Variants in SLC6A18 observed in about 807,000 individuals in gnomAD.
The protein encoded by SLC6A18 is solute carrier family 6 member 18, also known as inactive sodium-dependent neutral amino acid transporter B(0)AT3.
A neutral mutation model predicts 62.9 loss-of-function variants in SLC6A18; 58 were observed. That is an observed-to-expected ratio of 0.92 (90% confidence interval 0.75 to 1.15). The LOEUF (loss-of-function observed/expected upper bound fraction) is 1.15. SLC6A18 is among the 50% of genes most tolerant of loss of function. SLC6A18 has a pLI of 0.00. For synonymous variants in SLC6A18, 382 were observed against 365.8 expected (o/e 1.04, Z -0.51); for missense variants, 793 against 836.6 (o/e 0.95, Z 0.64).
intron 5 of SLC6A18, among the ~76,000 whole-genome samples, chr5:1,238,891 G>A (rs1461232243): frequency 6.6e-6 from 1 of 152,222 alleles, no homozygotes; most frequent in African/African-American, 2.4e-5. Context: ...CCAGGAGCCT[G>A]CACGGCTTCT....
At position 1,232,430 on chromosome 5, in the gene SLC6A18, C is replaced by T. The variant is rs1387026875; in HGVS notation, c.301+71C>T. On this transcript the variant is annotated intron_variant, in intron 2 of 11. Transcript: ENST00000324642. ...GGGCCCTCCTGGATGAGAGGTGGGGCGGGGGCGGGTCCATGCCTGTGGTAC... is the reference window on the plus strand; with the variant it reads ...GGGCCCTCCTGGATGAGAGGTGGGGTGGGGGCGGGTCCATGCCTGTGGTAC... 6.2e-6 allele frequency: 9 copies of T among 1,449,396 alleles called. No individual in the cohort carries two copies. The East Asian group carries it at 7.5e-5, about 12-fold the overall frequency. The allele number at this position is 1,449,396 out of a possible 1,614,324, so 89.8% of individuals were successfully genotyped here.
intron 4 of SLC6A18, among the ~76,000 whole-genome samples, chr5:1,236,243 A>G (rs1463259468): frequency 6.6e-6 from 1 of 152,020 alleles, no homozygotes; most frequent in Non-Finnish European, 1.5e-5. Flanking sequence ...ACTGCTTTAG[A>G]GGTTACAGTC....
At chr5:1,231,799 T>G (rs1746736273) in intron 1 of SLC6A18, among the ~76,000 whole-genome samples, 1 of 152,152 alleles carries the variant, frequency 6.6e-6, no homozygotes. Flanking sequence ...AGGTTTTCAG[T>G]GTGATTCCGC....
chr5:1,232,856 G>A lies in SLC6A18; in HGVS notation c.407G>A (p.Trp136Ter). ...LLNSFQHPLPWSSCPPDLNRT... is the reference protein window; with the variant it reads ...LLNSFQHPLP ...AACTCCTTCCAGCACCCGCTGCCCT[G>A]GAGCTCCTGCCCACCGGACCTCAAC... Residue 136 changes from tryptophan to a stop codon, truncating the protein, a stop_gained, in exon 3 of 12, where the codon TGG (tryptophan) becomes TAG (stop). Coordinates refer to ENST00000324642, the MANE Select transcript of SLC6A18 (RefSeq NM_182632.3). LOFTEE classifies it high-confidence loss of function. 1 of 1,613,066 alleles carries A rather than the reference G, an allele frequency of 6.2e-7. No homozygotes were observed. Among genetic ancestry groups the A allele is most frequent in the South Asian group, 1.1e-5 (1 of 91,038 alleles).
rs202179592 is a variant in SLC6A18 at position 1,232,323 on chromosome 5, G to C, written c.265G>C (p.Val89Leu). Residue 89 changes from valine to leucine, a missense_variant, in exon 2 of 12, where the codon GTG (valine) becomes CTG (leucine). Transcript: ENST00000324642. ...GQRLRKGSVG[V>L]WTAISPYLSG... is the part of the protein sequence containing the mutation. ...GCGGCTGCGGAAGGGCAGCGTCGGC[G>C]TGTGGACGGCCATCTCCCCGTACCT... 6.2e-7 allele frequency: 1 copy of C among 1,611,934 alleles called. No individual in the cohort carries two copies. The highest frequency in any genetic ancestry group is 1.1e-5 in the South Asian group (1 of 90,678).
intron 11 of SLC6A18, among the ~76,000 whole-genome samples, chr5:1,245,227 C>T (rs931018326): frequency 6.6e-6 from 1 of 152,208 alleles, no homozygotes; most frequent in East Asian, 1.9e-4. Flanking sequence ...GGCTGGAGGC[C>T]GTTTCCACAC....
At chr5:1,235,407 A>T in intron 3 of SLC6A18, 74 bp from the exon 4 acceptor site, 1 of 1,474,258 alleles carries the variant, frequency 6.8e-7, no homozygotes, top group Non-Finnish European at 9.3e-7. Context: ...AGCCCAGGGA[A>T]ATTGAGCTCA....
intron 11 of SLC6A18, 96 bp from the exon 12 acceptor site, chr5:1,245,751 TG>T: frequency 7.8e-7 from 1 of 1,281,826 alleles, no homozygotes; most frequent in Non-Finnish European, 1.1e-6. Flanking sequence ...CAAGTCCGGG[TG>T]GGCAGGTGGC....
rs780302283 is a variant in SLC6A18 at position 1,241,427 on chromosome 5, G to A, written c.974+768G>A. On this transcript the variant is annotated intron_variant, in intron 7 of 11. Transcript: ENST00000324642. This position sits in a 1 kb window ranked among gnomAD's most constrained non-coding sequence, Gnocchi z 7.8. ...GCCTGGCATCCAGTGGGTGGAGGCCGAGGATACCTCGCAGCACCCTACAGT... is the reference window on the plus strand; with the variant it reads ...GCCTGGCATCCAGTGGGTGGAGGCCAAGGATACCTCGCAGCACCCTACAGT... 1.3e-5 allele frequency among the ~76,000 whole-genome samples: 2 copies of A among 152,198 alleles called. No homozygotes were observed. The highest frequency in any genetic ancestry group is 2.4e-5 in the African/African-American group (1 of 41,452).
intron 1 of SLC6A18, among the ~76,000 whole-genome samples, chr5:1,226,930 AT>A (rs1230450581): frequency 6.6e-6 from 1 of 151,796 alleles, no homozygotes; most frequent in Non-Finnish European, 1.5e-5. Context: ...TTGCCCACCG[AT>A]GCCTTTCCTG....
chr5:1,243,491 G>C lies in SLC6A18; in HGVS notation c.1132-64G>C. On this transcript the variant is annotated intron_variant, in intron 8 of 11. Coordinates refer to ENST00000324642, the MANE Select transcript of SLC6A18 (RefSeq NM_182632.3). The surrounding 1 kb of genome is among the most constrained non-coding windows in gnomAD (Gnocchi z 6.5). The stretch of plus-strand genomic sequence containing the variant: ...TGGGAGAGTGTGTGTCCTGCAGGCA[G>C]GCGTGTGTGTGTGGTGGAGTGTGTG... The C allele has an allele frequency of 1.3e-6, 2 of 1,539,864 alleles. No individual in the cohort carries two copies. Among genetic ancestry groups the C allele is most frequent in the Non-Finnish European group, 1.8e-6 (2 of 1,125,516 alleles).
Position 1,243,683 on chromosome 5 carries a change from G to T in SLC6A18, c.1260G>T (p.Gly420=). 1 of 1,614,022 alleles carries T rather than the reference G, an allele frequency of 6.2e-7. No individual in the cohort carries two copies. The highest frequency in any genetic ancestry group is 8.5e-7 in the Non-Finnish European group (1 of 1,179,982). The stretch of plus-strand genomic sequence containing the variant: ...CCTTGGGGCTATCGACCATGTTCGG[G>T]ACCGTGGAGGCGGTCATCACACCCC... ...LFTLGLSTMF[G]TVEAVITPLL... Residue 420 remains glycine (G), a synonymous_variant, in exon 9 of 12, where the codon GGG becomes GGT. Transcript: ENST00000324642. This position sits in a 1 kb window ranked among gnomAD's most constrained non-coding sequence, Gnocchi z 6.5.
intron 7 of SLC6A18, among the ~76,000 whole-genome samples, chr5:1,240,985 G>A (rs968868330): frequency 6.6e-5 from 10 of 152,168 alleles, no homozygotes; most frequent in Non-Finnish European, 1.3e-4. Flanking sequence ...AGGTCGCAGC[G>A]CTTGTGGCCA....
At position 1,243,144 on chromosome 5, in the gene SLC6A18, G is replaced by A. The variant is rs2126541661; in HGVS notation, c.1131+281G>A. Among the ~76,000 whole-genome samples, 1 of 152,308 alleles carries A rather than the reference G, an allele frequency of 6.6e-6. No individual in the cohort carries two copies. The highest frequency in any genetic ancestry group is 2.1e-4 in the South Asian group (1 of 4,822). ...CATTGCTGGTGCCCAGACCCCAGGA[G>A]AGGGGGTGGCCAGCATGAGGGTCAC... On this transcript the variant is annotated intron_variant, in intron 8 of 11. Coordinates refer to ENST00000324642, the MANE Select transcript of SLC6A18 (RefSeq NM_182632.3). The surrounding 1 kb of genome is among the most constrained non-coding windows in gnomAD (Gnocchi z 6.5).
At position 1,243,831 on chromosome 5, in the gene SLC6A18, A is replaced by C; in HGVS notation, c.1336+72A>C. 7.1e-7 allele frequency: 1 copy of C among 1,409,368 alleles called. No homozygotes were observed. The highest frequency in any genetic ancestry group is 9.5e-7 in the Non-Finnish European group (1 of 1,048,058). 87.3% of individuals were successfully genotyped at this position (1,409,368 alleles called of 1,614,324 possible). ...GACTGTCCACTCCCGCCCGCTGTCC[A>C]GACGCCCCTCCTGGATGGAGAGCGC... On this transcript the variant is annotated intron_variant, in intron 9 of 11. Coordinates refer to ENST00000324642, the MANE Select transcript of SLC6A18 (RefSeq NM_182632.3). This position sits in a 1 kb window ranked among gnomAD's most constrained non-coding sequence, Gnocchi z 6.5.
rs1024926576 is a variant in SLC6A18, at chr5:1,240,734, G to A, written c.974+75G>A. 1.5e-4 allele frequency: 241 copies of A among 1,586,566 alleles called. 1 individual carries two copies. The East Asian group carries it at 1.7e-3, about 11-fold the overall frequency. On this transcript the variant is annotated intron_variant, in intron 7 of 11. Transcript: ENST00000324642. ...GTGCCTGCCGCACCGAGAATCCCAA[G>A]GCATGAGGAAGGGTGGCGTGGGCAC...
At chr5:1,244,184 A>AC (rs1253681901) in intron 9 of SLC6A18, 30 bp from the exon 10 acceptor site, 17 of 753,232 alleles carry the variant, frequency 2.3e-5, no homozygotes, top group Non-Finnish European at 2.7e-5. Flanking sequence ...CCATCCCCTT[A>AC]CCCCCCACAC....
Position 1,241,704 on chromosome 5 carries a change from G to A in SLC6A18, c.975-1003G>A, listed in dbSNP as rs1747064751. Among the ~76,000 whole-genome samples, 1 of 152,250 alleles carries A rather than the reference G, an allele frequency of 6.6e-6. No homozygotes were observed. The highest frequency in any genetic ancestry group is 1.5e-5 in the Non-Finnish European group (1 of 68,046). On this transcript the variant is annotated intron_variant, in intron 7 of 11. Coordinates refer to ENST00000324642, the MANE Select transcript of SLC6A18 (RefSeq NM_182632.3). The surrounding 1 kb of genome is among the most constrained non-coding windows in gnomAD (Gnocchi z 7.8). ...TTTACAGGATGAGCCGGGTCAAGAAGGCAGAGCTGGGCTTTGTTCAGCCCC... is the reference window on the plus strand; with the variant it reads ...TTTACAGGATGAGCCGGGTCAAGAAAGCAGAGCTGGGCTTTGTTCAGCCCC...
At chr5:1,227,257 C>T (rs1340327073) in intron 1 of SLC6A18, among the ~76,000 whole-genome samples, 1 of 152,224 alleles carries the variant, frequency 6.6e-6, no homozygotes, top group African/African-American at 2.4e-5. Context: ...CTCCCTTAAA[C>T]TCAGCTGCTC....
Sources: gnomAD v4.1 joint callset for allele counts (sites outside exome capture counted in the v4.1 genomes callset) on GRCh38, gnomAD v4.1.1 for gene constraint, Gnocchi (gnomAD v3.1) non-coding constraint, MANE v1.5 for transcripts, NCBI Gene and HGNC (gene_info 2026-07-23, HGNC 2026-07-21) for gene names.